The following GET4 variants were observed in gnomAD, a reference collection of about 807,000 sequenced individuals.
The protein encoded by GET4 is Golgi to ER traffic protein 4 homolog.
A neutral mutation model predicts 40.0 loss-of-function variants in GET4; 20 were observed. The observed-to-expected ratio is 0.50, with a 90% confidence interval of 0.35 to 0.73. The LOEUF (loss-of-function observed/expected upper bound fraction) is 0.73. GET4 is among the 30% of genes least tolerant of loss of function. The probability of loss-of-function intolerance (pLI) is 0.01; values close to 1 mark genes in which losing one functional copy is unlikely to be tolerated. For synonymous variants in GET4, 280 were observed against 194.6 expected (o/e 1.44, Z -3.65); for missense variants, 557 against 454.0 (o/e 1.23, Z -2.06).
chr7:892,188 G>A (rs1844340183), intron 5 of GET4, 90 bp from the exon 6 acceptor site: 2 of 1,383,686 alleles, frequency 1.4e-6, no homozygotes, highest in Admixed American at 1.8e-5. Flanking sequence ...GGGCGCACGA[G>A]CTTGGGAAGG....
At position 893,760 on chromosome 7, in the gene GET4, C is replaced by G; in HGVS notation, c.767C>G (p.Thr256Ser). 1 of 1,608,990 alleles carries G rather than the reference C, an allele frequency of 6.2e-7. No homozygotes were observed. The highest frequency in any genetic ancestry group is 8.5e-7 in the Non-Finnish European group (1 of 1,176,574). The change falls in exon 7 of 9, where the codon ACT becomes AGT. Residue 256 changes from threonine (T) to serine (S), a missense_variant. Thr to Ser is a moderately conservative substitution (Grantham distance 58). Coordinates refer to ENST00000265857, the MANE Select transcript of GET4 (RefSeq NM_015949.3). ...AVDGGKLTVFTVLCEQYQPSL... is the reference protein window; with the variant it reads ...AVDGGKLTVFSVLCEQYQPSL... ...CCCAGTGGGAAGCTGACGGTGTTCA[C>G]TGTGCTGTGTGAGCAGTACCAGCCA...
At chr7:884,611 C>CT (rs938608146) in intron 1 of GET4, 28 of 255,838 alleles carry the variant, frequency 1.1e-4, no homozygotes, top group Admixed American at 4.6e-4. Context: ...GCGGGGCTGT[C>CT]TGTGTTTGGG....
intron 1 of GET4, chr7:882,910 CCT>C (rs59897675): frequency 0.11 from 17,198 of 152,374 alleles, 1,343 homozygotes; most frequent in Non-Finnish European, 0.16. Context: ...CAGCTGTCCC[CCT>C]GTCTGCCCAC....
At chr7:886,975 C>T (rs1306545504) in intron 3 of GET4, 1 of 518,018 alleles carries the variant, frequency 1.9e-6, no homozygotes, top group East Asian at 3.6e-5. Context: ...TCGGCCTGTC[C>T]TGTCGGGTGA....
At chr7:895,306 G>A (rs201502802) in intron 8 of GET4, 28 bp from the exon 9 acceptor site, 48 of 1,230,330 alleles carry the variant, frequency 3.9e-5, no homozygotes, top group African/African-American at 1.5e-4. Context: ...CTGCCCAGGC[G>A]TGACTGCCAC....
At chr7:883,709 C>A in intron 1 of GET4, 1 of 985,986 alleles carries the variant, frequency 1.0e-6, no homozygotes, top group Non-Finnish European at 1.2e-6. Context: ...GCCCAGCTGC[C>A]CCCCACTCTC....
At chr7:879,860 G>A (rs1054169597) in intron 1 of GET4, 2 of 152,214 alleles carry the variant, frequency 1.3e-5, no homozygotes, top group Non-Finnish European at 2.9e-5. Flanking sequence ...AATGGCACGG[G>A]TTGTGATAGC....
At chr7:879,178 T>C (rs1562891823) in intron 1 of GET4, among the ~76,000 whole-genome samples, 1 of 152,248 alleles carries the variant, frequency 6.6e-6, no homozygotes, top group Non-Finnish European at 1.5e-5. Flanking sequence ...GGTGCCACTT[T>C]GGTTGTAGTT....
chr7:891,144 C>A, intron 5 of GET4, 78 bp downstream of exon 5: 1 of 1,182,386 alleles, frequency 8.5e-7, no homozygotes, highest in South Asian at 1.5e-5. Context: ...TCCCCTTGTC[C>A]CCTGTCCGAG....
chr7:893,346 G>A lies in GET4; in HGVS notation c.747-394G>A, dbSNP rs557705430. On this transcript the variant is annotated intron_variant, in intron 6 of 8. Transcript: ENST00000265857. ...AGTGTTGGGCGCGGGCGTGGTGGTG[G>A]TTGCAGGTGAGTGTTGGGTGTGGGC... 6.6e-3 allele frequency among the ~76,000 whole-genome samples: 520 copies of A among 78,464 alleles called. 31 individuals are homozygous for A. The highest frequency in any genetic ancestry group is 0.021 in the African/African-American group (495 of 24,136). The allele number at this position is 78,464 out of a possible 152,430, so 51.5% of individuals were successfully genotyped here.
chr7:887,627 C>T lies in GET4; in HGVS notation c.466+108C>T, dbSNP rs1023176029. The T allele has an allele frequency of 5.6e-6, 5 of 887,014 alleles. No homozygotes were observed. The Admixed American group carries it at 1.0e-4, about 18-fold the overall frequency. The allele number at this position is 887,014 out of a possible 1,614,324, so 54.9% of individuals were successfully genotyped here. ...ACCCACCAGGGCAGAGATGGGGTTTCACCCTGTGGTCACGCGGGCCGGTCC... is the reference window on the plus strand; with the variant it reads ...ACCCACCAGGGCAGAGATGGGGTTTTACCCTGTGGTCACGCGGGCCGGTCC... On this transcript the variant is annotated intron_variant, in intron 4 of 8. Transcript: ENST00000265857.
At chr7:878,807 C>G (rs1278357369) in intron 1 of GET4, among the ~76,000 whole-genome samples, 1 of 152,192 alleles carries the variant, frequency 6.6e-6, no homozygotes, top group Non-Finnish European at 1.5e-5. Context: ...TCTCGAACTC[C>G]TGACCTCGCG....
At chr7:894,177 C>T (rs11977689) in intron 8 of GET4, among the ~76,000 whole-genome samples, 140 of 152,324 alleles carry the variant, frequency 9.2e-4, no homozygotes, top group African/African-American at 3.3e-3. Flanking sequence ...CCCGTCTCCA[C>T]TCCAGAGCTC....
chr7:883,422 G>A (rs1276888278), intron 1 of GET4: 8 of 729,872 alleles, frequency 1.1e-5, no homozygotes, highest in East Asian at 1.3e-4. Context: ...ATTTGACACC[G>A]ACAGTCTCGG....
intron 6 of GET4, among the ~76,000 whole-genome samples, chr7:892,936 C>T (rs929814362): frequency 5.4e-5 from 8 of 148,604 alleles, no homozygotes; most frequent in East Asian, 2.0e-4. Context: ...TGGGTATAGA[C>T]GTGGCATGGG....
rs1307382066 is a variant in GET4 at position 893,260 on chromosome 7, C to T, written c.747-480C>T. Among the ~76,000 whole-genome samples, 36 of 73,622 alleles carry T rather than the reference C, an allele frequency of 4.9e-4. 2 individuals carry two copies. Among genetic ancestry groups the T allele is most frequent in the African/African-American group, 1.6e-3 (28 of 17,008 alleles). The allele number at this position is 73,622 out of a possible 152,430, so 48.3% of individuals were successfully genotyped here. On this transcript the variant is annotated intron_variant, in intron 6 of 8. Coordinates refer to ENST00000265857, the MANE Select transcript of GET4 (RefSeq NM_015949.3). ...GTGGTGTGTGCAGGTGAGTGTTGGG[C>T]GCGGGCGCGGTGGTGTGTGCAGGTG...
In GET4 at chr7:887,603, C is replaced by T; in HGVS notation, c.466+84C>T. ...TGTGCGTTCCAATACATCAGGGTCA[C>T]CCACCAGGGCAGAGATGGGGTTTCA... On this transcript the variant is annotated intron_variant, in intron 4 of 8. Transcript: ENST00000265857. 4 of 1,080,558 alleles carry T rather than the reference C, an allele frequency of 3.7e-6. No homozygotes were observed. The South Asian group carries it at 8.2e-5, about 22-fold the overall frequency. 66.9% of individuals were successfully genotyped at this position (1,080,558 alleles called of 1,614,324 possible). A position where few individuals can be genotyped will look rare whatever the true frequency, so the allele number is the denominator to read the frequency against.
At chr7:886,007 C>T (rs1321100460) in intron 1 of GET4, 49 bp from the exon 2 acceptor site, 14 of 1,079,866 alleles carry the variant, frequency 1.3e-5, no homozygotes, top group Admixed American at 3.4e-5. Flanking sequence ...CGGGGGAGCG[C>T]GGTGGCGAGG....
intron 1 of GET4, among the ~76,000 whole-genome samples, chr7:878,642 G>C (rs945994976): frequency 1.3e-5 from 2 of 150,304 alleles, no homozygotes; most frequent in Admixed American, 6.6e-5. Context: ...GCAATGGTGG[G>C]ATCTCGGCTC....
Sources: gnomAD v4.1 joint callset for allele counts (sites outside exome capture counted in the v4.1 genomes callset) on GRCh38, gnomAD v4.1.1 for gene constraint, MANE v1.5 for transcripts, NCBI Gene and HGNC (gene_info 2026-07-23, HGNC 2026-07-21) for gene names.